The following GREM1 variants were observed in gnomAD, a reference collection of about 807,000 sequenced individuals.
GREM1 encodes the protein gremlin-1.
A neutral mutation model predicts 13.1 loss-of-function variants in GREM1; 6 were observed. The ratio of observed to expected loss-of-function variants is 0.46; its 90% CI spans 0.25 to 0.91. GREM1 has a LOEUF of 0.91. GREM1 is among the 40% of genes least tolerant of loss of function. The pLI, the probability that GREM1 is intolerant of heterozygous loss-of-function variation, is 0.18. For missense variants in GREM1, 185 were observed against 233.9 expected (o/e 0.79, Z 1.36); for synonymous variants, 98 against 93.7 (o/e 1.05, Z -0.27).
rs1401949182 is a variant in GREM1 at position 32,737,995 on chromosome 15, A to C, written c.*6750A>C. The C allele has an allele frequency of 2.0e-5, 3 of 146,394 alleles. No homozygotes were observed. In the East Asian group the frequency reaches 5.9e-4, roughly 29 times the overall value. The allele number at this position is 146,394 out of a possible 1,614,324, so 9.1% of individuals were successfully genotyped here. On this transcript the variant is annotated 3_prime_UTR_variant, in exon 2 of 2. Transcript: ENST00000651154. Reference sequence around the variant, plus strand: ...TCATACTTAAAGGTGAAAGACTGAAAGCTTTCCCCCAAGAGGAACTAACAG... The same window carrying C: ...TCATACTTAAAGGTGAAAGACTGAACGCTTTCCCCCAAGAGGAACTAACAG...
At chr15:32,720,511 G>A (rs1013254831) in intron 1 of GREM1, among the ~76,000 whole-genome samples, 5 of 152,196 alleles carry the variant, frequency 3.3e-5, no homozygotes, top group Non-Finnish European at 5.9e-5. Context: ...TTTATGTAAA[G>A]GAAAGGCAGG....
intron 1 of GREM1, among the ~76,000 whole-genome samples, chr15:32,729,448 C>T (rs1052251461): frequency 1.3e-5 from 2 of 152,216 alleles, no homozygotes; most frequent in Non-Finnish European, 1.5e-5. Context: ...CCACCTTTCC[C>T]TCTTCTTCCG....
rs1007126796 is a variant in GREM1, at chr15:32,743,327, A to C, written c.*12082A>C. 6.6e-6 allele frequency: 1 copy of C among 152,226 alleles called. No homozygotes were observed. Among genetic ancestry groups the C allele is most frequent in the Non-Finnish European group, 1.5e-5 (1 of 68,036 alleles). The allele number at this position is 152,226 out of a possible 1,614,324, so 9.4% of individuals were successfully genotyped here. On this transcript the variant is annotated 3_prime_UTR_variant, in exon 2 of 2. Coordinates refer to ENST00000651154, the MANE Select transcript of GREM1 (RefSeq NM_013372.7). ...CTTTCCCAGGTATATGGATGAAACT[A>C]TCTGAAGGATGAAGCCTCCATTCAC...
chr15:32,737,433 G>A lies in GREM1; in HGVS notation c.*6188G>A, dbSNP rs1595856734. 6.6e-6 allele frequency: 1 copy of A among 152,160 alleles called. No homozygotes were observed. The highest frequency in any genetic ancestry group is 1.5e-5 in the Non-Finnish European group (1 of 68,022). 9.4% of individuals were successfully genotyped at this position (152,160 alleles called of 1,614,324 possible). On this transcript the variant is annotated 3_prime_UTR_variant, in exon 2 of 2. Coordinates refer to ENST00000651154, the MANE Select transcript of GREM1 (RefSeq NM_013372.7). Reference sequence around the variant, plus strand: ...AGGATTATATACCTTGACCAAGTGGGATTTGCCCCAGGAATGCAAGATTGA... The same window carrying A: ...AGGATTATATACCTTGACCAAGTGGAATTTGCCCCAGGAATGCAAGATTGA...
intron 1 of GREM1, among the ~76,000 whole-genome samples, chr15:32,723,583 C>T (rs2055448375): frequency 6.6e-6 from 1 of 150,858 alleles, no homozygotes; most frequent in Non-Finnish European, 1.5e-5. Flanking sequence ...ATTTCACTTT[C>T]CATAGCTAAT....
intron 1 of GREM1, among the ~76,000 whole-genome samples, chr15:32,721,113 G>A (rs138354685): frequency 7.9e-5 from 12 of 152,092 alleles, no homozygotes; most frequent in Non-Finnish European, 1.2e-4. Flanking sequence ...CCCAGATAGC[G>A]CCATTGCATT....
At chr15:32,719,261 G>A (rs937119018) in intron 1 of GREM1, among the ~76,000 whole-genome samples, 2 of 152,232 alleles carry the variant, frequency 1.3e-5, no homozygotes, top group African/African-American at 4.8e-5. Flanking sequence ...ACGCGCCACC[G>A]CTCTCGCTTG....
At position 32,731,185 on chromosome 15, in the gene GREM1, C is replaced by G. The variant is rs1217871499; in HGVS notation, c.495C>G (p.Thr165=). ...TLNCPELQPP[T]KKKRVTRVKQ... is the part of the protein sequence containing the mutation. ...ACTGCCCTGAACTACAGCCACCTAC[C>G]AAGAAGAAGAGAGTCACACGTGTGA... Residue 165 remains threonine, a synonymous_variant, in exon 2 of 2, where the codon ACC becomes ACG. Transcript: ENST00000651154. 1 of 1,614,112 alleles carries G rather than the reference C, an allele frequency of 6.2e-7. No homozygotes were observed. The highest frequency in any genetic ancestry group is 8.5e-7 in the Non-Finnish European group (1 of 1,180,014).
rs2055776091 is a variant in GREM1, at chr15:32,743,128, C to T, written c.*11883C>T. The T allele has an allele frequency of 6.6e-6, 1 of 152,238 alleles. No individual in the cohort carries two copies. Among genetic ancestry groups the T allele is most frequent in the Non-Finnish European group, 1.5e-5 (1 of 68,046 alleles). 9.4% of individuals were successfully genotyped at this position (152,238 alleles called of 1,614,324 possible). Reference sequence around the variant, plus strand: ...GAGACCACTTTGGCAAATCAGAATGCTCATTCCATTTGGCCACCATGATTG... The same window carrying T: ...GAGACCACTTTGGCAAATCAGAATGTTCATTCCATTTGGCCACCATGATTG... On this transcript the variant is annotated 3_prime_UTR_variant, in exon 2 of 2. Transcript: ENST00000651154.
rs1177613014 is a variant in GREM1 at position 32,733,660 on chromosome 15, A to G, written c.*2415A>G. The G allele has an allele frequency of 4.4e-6, 1 of 226,788 alleles. No homozygotes were observed. Among genetic ancestry groups the G allele is most frequent in the Non-Finnish European group, 9.5e-6 (1 of 104,722 alleles). The allele number at this position is 226,788 out of a possible 1,614,324, so 14.0% of individuals were successfully genotyped here. On this transcript the variant is annotated 3_prime_UTR_variant, in exon 2 of 2. Transcript: ENST00000651154. ...AAATGTGGTGTGTCTTCCAACTTTC[A>G]TTGAAAATGCCATATCTATACCATA...
intron 1 of GREM1, among the ~76,000 whole-genome samples, chr15:32,721,152 C>A (rs1427697405): frequency 1.3e-5 from 2 of 151,410 alleles, no homozygotes. Context: ...GTGAAAACTC[C>A]GTCAAAAAAA....
chr15:32,722,094 C>G lies in GREM1; in HGVS notation c.-2+3933C>G, dbSNP rs7167214. On this transcript the variant is annotated intron_variant, in intron 1 of 1. Coordinates refer to ENST00000651154, the MANE Select transcript of GREM1 (RefSeq NM_013372.7). ...GGATGAGACTTTATCCTCTACCTGTCTGCCAACAAGGGATTCTTCTTATCT... is the reference window on the plus strand; with the variant it reads ...GGATGAGACTTTATCCTCTACCTGTGTGCCAACAAGGGATTCTTCTTATCT... Among the ~76,000 whole-genome samples the G allele has an allele frequency of 0.39, 59,976 of 152,034 alleles. 12,862 individuals carry two copies. The highest frequency in any genetic ancestry group is 0.56 in the African/African-American group (23,309 of 41,454).
At chr15:32,730,065 G>A (rs2055589059) in intron 1 of GREM1, among the ~76,000 whole-genome samples, 1 of 152,176 alleles carries the variant, frequency 6.6e-6, no homozygotes, top group African/African-American at 2.4e-5. Flanking sequence ...TTGCTTAAAT[G>A]GAGTGATTTA....
chr15:32,723,612 A>G (rs1322337257), intron 1 of GREM1, among the ~76,000 whole-genome samples: 1 of 113,260 alleles, frequency 8.8e-6, no homozygotes, highest in Non-Finnish European at 1.8e-5. Context: ...TTTTGAGGAA[A>G]ATGTACTTTT....
rs373286094 is a variant in GREM1, at chr15:32,727,967, T to A, written c.-1-2723T>A. 2.0e-4 allele frequency among the ~76,000 whole-genome samples: 31 copies of A among 152,322 alleles called. 2 individuals are homozygous for A. The highest frequency in any genetic ancestry group is 3.4e-3 in the Middle Eastern group (1 of 294). On this transcript the variant is annotated intron_variant, in intron 1 of 1. Transcript: ENST00000651154. ...CTCTTCAAGGAGAACTACAGACCAC[T>A]GCTCAAGGTAATAAGAGAGGACACA...
intron 1 of GREM1, among the ~76,000 whole-genome samples, chr15:32,722,451 C>G (rs149287822): frequency 1.2e-4 from 18 of 152,274 alleles, no homozygotes; most frequent in African/African-American, 4.3e-4. Flanking sequence ...GGTTGCTTAG[C>G]TAAAATGAGA....
rs747649135 is a variant in GREM1, at chr15:32,730,898, G to A, written c.208G>A (p.Gly70Arg). The change falls in exon 2 of 2, where the codon GGG becomes AGG. Residue 70 changes from glycine to arginine, a missense_variant. Coordinates refer to ENST00000651154, the MANE Select transcript of GREM1 (RefSeq NM_013372.7). ...RGQGRGTAMP[G>R]EEVLESSQEA... ...CCAAGGGCGGGGCACTGCCATGCCC[G>A]GGGAGGAGGTGCTGGAGTCCAGCCA... 1.9e-5 allele frequency: 31 copies of A among 1,613,446 alleles called. No individual in the cohort carries two copies. Among genetic ancestry groups the A allele is most frequent in the Admixed American group, 1.3e-4 (8 of 59,984 alleles).
chr15:32,722,710 T>C (rs1452165517), intron 1 of GREM1, among the ~76,000 whole-genome samples: 2 of 152,176 alleles, frequency 1.3e-5, no homozygotes, highest in Non-Finnish European at 2.9e-5. Flanking sequence ...AAGGAAAGCA[T>C]GCTGTAGAGA....
rs2055736180 is a variant in GREM1 at position 32,738,793 on chromosome 15, C to T, written c.*7548C>T. The T allele has an allele frequency of 6.6e-6, 1 of 152,026 alleles. No homozygotes were observed. Among genetic ancestry groups the T allele is most frequent in the East Asian group, 1.9e-4 (1 of 5,182 alleles). The allele number at this position is 152,026 out of a possible 1,614,324, so 9.4% of individuals were successfully genotyped here. On this transcript the variant is annotated 3_prime_UTR_variant, in exon 2 of 2. Transcript: ENST00000651154. ...ACCAGCCTGGACGATATAGTGAGAC[C>T]TTGTCTCTACTAAAAATTTAAAAAG...
Sources: gnomAD v4.1 joint callset for allele counts (sites outside exome capture counted in the v4.1 genomes callset) on GRCh38, gnomAD v4.1.1 for gene constraint, MANE v1.5 for transcripts, NCBI Gene and HGNC (gene_info 2026-07-23, HGNC 2026-07-21) for gene names.